Variants in AXDND1 observed in about 807,000 individuals in gnomAD.
The protein encoded by AXDND1 is axonemal dynein light chain domain containing 1.
Under a neutral mutation model 137.5 loss-of-function variants are expected in AXDND1, and 110 were observed. The observed-to-expected ratio is 0.80, with a 90% confidence interval of 0.69 to 0.94. AXDND1 has a LOEUF of 0.94. Among genes scored for constraint, AXDND1 ranks in the 40% least tolerant of loss-of-function variants. The probability of loss-of-function intolerance (pLI) is 0.00; values close to 1 mark genes in which losing one functional copy is unlikely to be tolerated. For synonymous variants in AXDND1, 414 were observed against 399.7 expected, an observed-to-expected ratio of 1.04 and a Z score of -0.43; for missense variants, 1,191 against 1,169.8, an observed-to-expected ratio of 1.02 and a Z score of -0.26.
chr1:179,508,776 A>G (rs1015106821), intron 20 of AXDND1, among the ~76,000 whole-genome samples: 4 of 152,034 alleles, frequency 2.6e-5, no homozygotes, highest in African/African-American at 7.2e-5. Flanking sequence ...ATACTTAACT[A>G]TTTTTGTGAC....
chr1:179,376,511 C>T (rs1464484322), intron 4 of AXDND1, among the ~76,000 whole-genome samples: 3 of 152,188 alleles, frequency 2.0e-5, no homozygotes. Flanking sequence ...GCCGAAGTCA[C>T]CATGTGCTGT....
Position 179,520,540 on chromosome 1 carries a change from G to A in AXDND1, c.2497-4794G>A, listed in dbSNP as rs188130490. Among the ~76,000 whole-genome samples, 190 of 151,862 alleles carry A rather than the reference G, an allele frequency of 1.3e-3. 1 individual carries two copies. The highest frequency in any genetic ancestry group is 2.3e-3 in the Non-Finnish European group (157 of 67,904). On this transcript the variant is annotated intron_variant, in intron 21 of 25. Transcript: ENST00000367618. The stretch of plus-strand genomic sequence containing the variant: ...TGATCCTCCTGCCTCAGCCTCCAGA[G>A]TAGCTGGGACTATGGCATGCACCAC...
chr1:179,498,515 A>T (rs1239343961), intron 20 of AXDND1, among the ~76,000 whole-genome samples: 1 of 152,164 alleles, frequency 6.6e-6, no homozygotes, highest in Non-Finnish European at 1.5e-5. Context: ...TCTTCTTGAC[A>T]TTGACCTTGG....
intron 11 of AXDND1, among the ~76,000 whole-genome samples, chr1:179,410,548 A>G (rs534319484): frequency 5.9e-5 from 9 of 152,348 alleles, no homozygotes; most frequent in Non-Finnish European, 1.0e-4. Context: ...TTAATTTTAA[A>G]TGAAGCTTCA....
intron 12 of AXDND1, among the ~76,000 whole-genome samples, chr1:179,421,066 T>A (rs1313070249): frequency 1.3e-5 from 2 of 150,400 alleles, no homozygotes; most frequent in South Asian, 2.1e-4. Flanking sequence ...CCTTCCTTCC[T>A]TCCTTCCTTC....
rs574932520 is a variant in AXDND1, at chr1:179,412,947, G to A, written c.1230+1681G>A. On this transcript the variant is annotated intron_variant, in intron 12 of 25. Coordinates refer to ENST00000367618, the MANE Select transcript of AXDND1 (RefSeq NM_144696.6). Reference sequence around the variant, plus strand: ...ATATACCCTTTATTGGGTTGTGGAAGTTCCCTTAAATTTTTCATTTGTTTA... The same window carrying A: ...ATATACCCTTTATTGGGTTGTGGAAATTCCCTTAAATTTTTCATTTGTTTA... Among the ~76,000 whole-genome samples the A allele has an allele frequency of 2.6e-5, 4 of 152,096 alleles. No individual in the cohort carries two copies. The East Asian group carries it at 5.8e-4, about 22-fold the overall frequency.
At position 179,379,474 on chromosome 1, in the gene AXDND1, T is replaced by G; in HGVS notation, c.573T>G (p.Cys191Trp). Residue 191 changes from cysteine to tryptophan, a missense_variant, in exon 6 of 26, where the codon TGT becomes TGG. Transcript: ENST00000367618. ...VSSTGVSGLECYDDKYTTLLT... is the reference protein window; with the variant it reads ...VSSTGVSGLEWYDDKYTTLLT... ...GTACAGGAGTTTCAGGTTTGGAGTG[T>G]TATGATGAGTGAGTACTATGATATG... is the stretch of plus-strand genomic sequence containing the variant. 1 of 1,613,246 alleles carries G rather than the reference T, an allele frequency of 6.2e-7. No homozygotes were observed. Among genetic ancestry groups the G allele is most frequent in the Non-Finnish European group, 8.5e-7 (1 of 1,179,636 alleles).
intron 25 of AXDND1, among the ~76,000 whole-genome samples, chr1:179,541,599 A>G (rs1295169782): frequency 6.6e-6 from 1 of 151,954 alleles, no homozygotes; most frequent in Non-Finnish European, 1.5e-5. Context: ...AAATAATTTG[A>G]TAGTATGTAT....
intron 11 of AXDND1, among the ~76,000 whole-genome samples, chr1:179,408,969 T>C (rs1193234336): frequency 6.9e-5 from 1 of 14,500 alleles, no homozygotes; most frequent in African/African-American, 3.8e-4. Context: ...TTTTTCTTTC[T>C]TTTTTTTTTT....
intron 4 of AXDND1, 67 bp downstream of exon 4, chr1:179,370,145 C>T (rs1667898208): frequency 8.0e-7 from 1 of 1,252,464 alleles, no homozygotes; most frequent in African/African-American, 1.5e-5. Context: ...GAATGATTAC[C>T]TTGGGAGGGG....
chr1:179,397,092 A>T (rs1651182226), intron 11 of AXDND1, among the ~76,000 whole-genome samples: 2 of 152,158 alleles, frequency 1.3e-5, no homozygotes, highest in Admixed American at 1.3e-4. Context: ...TGGTCTGTGT[A>T]CTTATGTGTT....
At chr1:179,456,784 T>A in intron 16 of AXDND1, 1 of 784,574 alleles carries the variant, frequency 1.3e-6, no homozygotes, top group Non-Finnish European at 2.3e-6. Context: ...GCCCTAGCCA[T>A]CTCTTGGTCT....
At chr1:179,384,653 T>C (rs1480547544) in intron 8 of AXDND1, among the ~76,000 whole-genome samples, 5 of 152,190 alleles carry the variant, frequency 3.3e-5, no homozygotes, top group Admixed American at 3.3e-4. Flanking sequence ...TGTTCTTCAA[T>C]TTTGGTTTGT....
At chr1:179,550,723 A>G (rs2125760975) in intron 25 of AXDND1, 1 of 212,040 alleles carries the variant, frequency 4.7e-6, no homozygotes, top group Non-Finnish European at 9.6e-6. Flanking sequence ...TGGTAGTATC[A>G]TTGGAGAGAA....
intron 25 of AXDND1, chr1:179,545,379 A>G (rs917052407): frequency 6.6e-6 from 1 of 152,140 alleles, no homozygotes; most frequent in Middle Eastern, 3.2e-3. Flanking sequence ...GCCATCATTA[A>G]ACTGTGTGAG....
At chr1:179,506,829 C>T (rs72704452) in intron 20 of AXDND1, 67,233 of 984,272 alleles carry the variant, frequency 0.068, 2,393 homozygotes, top group Non-Finnish European at 0.071. Context: ...CTTTATGTCA[C>T]CAGAGATAGC....
In AXDND1 at chr1:179,548,409, A is replaced by C. The variant is rs185902374; in HGVS notation, c.3032-6103A>C. 7.2e-5 allele frequency among the ~76,000 whole-genome samples: 11 copies of C among 152,278 alleles called. No individual in the cohort carries two copies. In the East Asian group the frequency reaches 2.1e-3, roughly 29 times the overall value. ...ATGTCCAAGGTTAAACAGTTAGTAAATGGTAGAGCCTGAATCAAATCTAAT... is the reference window on the plus strand; with the variant it reads ...ATGTCCAAGGTTAAACAGTTAGTAACTGGTAGAGCCTGAATCAAATCTAAT... On this transcript the variant is annotated intron_variant, in intron 25 of 25. Transcript: ENST00000367618.
intron 25 of AXDND1, chr1:179,544,514 AAC>A (rs913118005): frequency 4.6e-5 from 7 of 152,170 alleles, no homozygotes; most frequent in African/African-American, 1.7e-4. Context: ...TCTCTACTAA[AAC>A]ACAAAAATTA....
intron 15 of AXDND1, 32 bp from the exon 16 acceptor site, chr1:179,444,938 A>G (rs529882020): frequency 6.8e-7 from 1 of 1,471,936 alleles, no homozygotes; most frequent in Non-Finnish European, 9.4e-7. Context: ...AGTGGATAAT[A>G]TGCTACTCTC....
Sources: allele counts gnomAD v4.1 joint callset (sites outside exome capture counted in the v4.1 genomes callset), GRCh38; gene constraint gnomAD v4.1.1; transcripts MANE v1.5; gene names NCBI Gene and HGNC (gene_info 2026-07-23, HGNC 2026-07-21).